CARD14: variants seen among roughly 807,000 people sequenced by gnomAD.
CARD14 encodes caspase recruitment domain family member 14.
CARD14 carries 107 observed loss-of-function variants against 111.5 expected under a neutral mutation model. That is an observed-to-expected ratio of 0.96 (90% CI 0.82 to 1.13). The LOEUF is 1.13. Among genes scored for constraint, CARD14 ranks in the 50% most tolerant of loss-of-function variants. The pLI is 0.00. For missense variants in CARD14, 1,322 were observed against 1,362.3 expected (o/e 0.97, Z 0.47); for synonymous variants, 617 against 579.6 (o/e 1.06, Z -0.93).
In CARD14 at chr17:80,195,393, A is replaced by C; in HGVS notation, c.1499+60A>C. 1 of 1,563,810 alleles carries C rather than the reference A, an allele frequency of 6.4e-7. No homozygotes were observed. The highest frequency in any genetic ancestry group is 8.7e-7 in the Non-Finnish European group (1 of 1,150,922). Reference sequence around the variant, plus strand: ...GCACTGGGGTCCTTCCTGGCAACTCACCAGAGACACCAACCTAGACCTCAG... The same window carrying C: ...GCACTGGGGTCCTTCCTGGCAACTCCCCAGAGACACCAACCTAGACCTCAG... On this transcript the variant is annotated intron_variant, in intron 13 of 23. Transcript: ENST00000648509. This position sits in a 1 kb window ranked among gnomAD's most constrained non-coding sequence, Gnocchi z 4.7.
At chr17:80,177,709 T>A (rs561169406) in intron 2 of CARD14, among the ~76,000 whole-genome samples, 1 of 152,180 alleles carries the variant, frequency 6.6e-6, no homozygotes, top group South Asian at 2.1e-4. Context: ...AAAAAAATTT[T>A]TTTTTAGCAG....
rs749125730 is a variant in CARD14, at chr17:80,209,195, G to A, written c.*850G>A. 83 of 593,484 alleles carry A rather than the reference G, an allele frequency of 1.4e-4. No homozygotes were observed. The highest frequency in any genetic ancestry group is 4.3e-4 in the East Asian group (3 of 7,052). 36.8% of individuals were successfully genotyped at this position (593,484 alleles called of 1,614,324 possible). ...GGCCTTGCCCCTGCCTCCTGGGGCT[G>A]TTGCAGACTGAATGTCATTTTGACA... On this transcript the variant is annotated 3_prime_UTR_variant, in exon 24 of 24. Coordinates refer to ENST00000648509, the MANE Select transcript of CARD14 (RefSeq NM_001366385.1).
At chr17:80,184,284 C>T in intron 7 of CARD14, 46 bp downstream of exon 7, 1 of 1,433,990 alleles carries the variant, frequency 7.0e-7, no homozygotes, top group Non-Finnish European at 9.2e-7. Context: ...TGTCGTCTGC[C>T]CCCAGGCCTT....
chr17:80,188,370 C>T lies in CARD14; in HGVS notation c.676-7C>T, dbSNP rs768424345. The T allele has an allele frequency of 2.6e-5, 41 of 1,606,284 alleles. No homozygotes were observed. The highest frequency in any genetic ancestry group is 8.9e-5 in the South Asian group (8 of 89,674). ...ATCGCCCTTCCTGTCGCCTCCCCACCGCACAGCTGTATCTACTGAAGCAGG... is the reference window on the plus strand; with the variant it reads ...ATCGCCCTTCCTGTCGCCTCCCCACTGCACAGCTGTATCTACTGAAGCAGG... On this transcript the variant is annotated splice_polypyrimidine_tract_variant and splice_region_variant and intron_variant, in intron 7 of 23. Coordinates refer to ENST00000648509, the MANE Select transcript of CARD14 (RefSeq NM_001366385.1). This position sits in a 1 kb window ranked among gnomAD's most constrained non-coding sequence, Gnocchi z 4.5.
chr17:80,205,680 G>T, intron 22 of CARD14, 28 bp downstream of exon 22: 1 of 1,525,980 alleles, frequency 6.6e-7, no homozygotes, highest in South Asian at 1.3e-5. Flanking sequence ...GTGGGCAGGG[G>T]AGCTGTCCTG....
Position 80,185,811 on chromosome 17 carries a change from C to T in CARD14, c.675+1573C>T, listed in dbSNP as rs140591038. On this transcript the variant is annotated intron_variant, in intron 7 of 23. Coordinates refer to ENST00000648509, the MANE Select transcript of CARD14 (RefSeq NM_001366385.1). ...CCTTCCCTTTGATGATAGACGACCT[C>T]TCATTTGGGGTTTGTCTTGTGTTTC... Among the ~76,000 whole-genome samples, 34 of 152,334 alleles carry T rather than the reference C, an allele frequency of 2.2e-4. 1 individual carries two copies. The East Asian group carries it at 6.2e-3, about 28-fold the overall frequency.
chr17:80,180,469 C>T (rs2040135030), intron 4 of CARD14, among the ~76,000 whole-genome samples: 1 of 152,228 alleles, frequency 6.6e-6, no homozygotes, highest in South Asian at 2.1e-4. Flanking sequence ...CAGTGTCACT[C>T]CCCAGCACAT....
In CARD14 at chr17:80,204,125, A is replaced by G. The variant is rs536886503; in HGVS notation, c.2284-102A>G. The G allele has an allele frequency of 2.7e-5, 31 of 1,161,832 alleles. No homozygotes were observed. The African/African-American group carries it at 4.5e-4, about 17-fold the overall frequency. 72.0% of individuals were successfully genotyped at this position (1,161,832 alleles called of 1,614,324 possible). On this transcript the variant is annotated intron_variant, in intron 19 of 23. Transcript: ENST00000648509. ...GTTCTCAGAGCATCTGCGCCTCTGC[A>G]TCACTCCCAGGTCGCCCTAGTGCCA...
At chr17:80,194,025 A>G (rs1046178013) in intron 12 of CARD14, among the ~76,000 whole-genome samples, 6 of 152,088 alleles carry the variant, frequency 3.9e-5, no homozygotes, top group African/African-American at 1.4e-4. Flanking sequence ...GCTGCCCTCC[A>G]GCCACTCTCC....
Position 80,198,423 on chromosome 17 carries a change from A to T in CARD14, c.1683A>T (p.Pro561=). 6.2e-7 allele frequency: 1 copy of T among 1,606,884 alleles called. No individual in the cohort carries two copies. Among genetic ancestry groups the T allele is most frequent in the Non-Finnish European group, 8.5e-7 (1 of 1,175,340 alleles). Residue 561 remains proline, a synonymous_variant, in exon 16 of 24, where the codon CCA becomes CCT. Coordinates refer to ENST00000648509, the MANE Select transcript of CARD14 (RefSeq NM_001366385.1). This position sits in a 1 kb window ranked among gnomAD's most constrained non-coding sequence, Gnocchi z 7.5. The part of the protein sequence containing the change: ...SESGVLMRRR[P]ARRILSQVTM... ...GCGGCGTCCTCATGCGGCGGAGGCC[A>T]GCCCGCAGGATCCTGAGCCAGGTCA...
intron 23 of CARD14, among the ~76,000 whole-genome samples, 154 bp downstream of exon 23, chr17:80,207,239 G>A (rs1466708897): frequency 2.0e-5 from 3 of 152,130 alleles, no homozygotes; most frequent in Admixed American, 1.3e-4. Flanking sequence ...CAAGGGCCCC[G>A]CTGATTGCTC....
Position 80,191,377 on chromosome 17 carries a change from A to G in CARD14, c.1144A>G (p.Lys382Glu), listed in dbSNP as rs1164133596. Residue 382 changes from lysine to glutamate, a missense_variant, in exon 11 of 24, where the codon AAG (lysine) becomes GAG (glutamate). By Grantham distance (56) the Lys-to-Glu change is moderately conservative. Coordinates refer to ENST00000648509, the MANE Select transcript of CARD14 (RefSeq NM_001366385.1). ...QREISQSLVE[K>E]DSLRRQVFEL... ...GGAGATTTCCCAGAGCCTGGTGGAGAAGGACTCCCTCCGCAGGCAGGTGTT... is the reference window on the plus strand; with the variant it reads ...GGAGATTTCCCAGAGCCTGGTGGAGGAGGACTCCCTCCGCAGGCAGGTGTT... 2 of 1,613,830 alleles carry G rather than the reference A, an allele frequency of 1.2e-6. No homozygotes were observed. Among genetic ancestry groups the G allele is most frequent in the Admixed American group, 3.3e-5 (2 of 60,024 alleles).
chr17:80,182,388 A>G lies in CARD14; in HGVS notation c.212-265A>G, dbSNP rs904068357. ...GTCCCGGTCCCCCCGCACTCGCCAG[A>G]GCACTGGGGTTGCAGTAGTTGCTCG... On this transcript the variant is annotated intron_variant, in intron 5 of 23. Transcript: ENST00000648509. The surrounding 1 kb of genome is among the most constrained non-coding windows in gnomAD (Gnocchi z 4.7). Among the ~76,000 whole-genome samples the G allele has an allele frequency of 2.6e-5, 4 of 152,210 alleles. No individual in the cohort carries two copies. The highest frequency in any genetic ancestry group is 4.8e-5 in the African/African-American group (2 of 41,448).
At chr17:80,183,274 C>T (rs781207193) in intron 6 of CARD14, among the ~76,000 whole-genome samples, 1 of 152,180 alleles carries the variant, frequency 6.6e-6, no homozygotes, top group Non-Finnish European at 1.5e-5. Flanking sequence ...TTCTAGGCTT[C>T]CCTGGAGGAG....
At chr17:80,191,532 C>A in intron 11 of CARD14, 60 bp downstream of exon 11, 1 of 1,579,658 alleles carries the variant, frequency 6.3e-7, no homozygotes, top group Non-Finnish European at 8.6e-7. Context: ...GACAGTGGGA[C>A]AGAGCTGGGC....
Position 80,189,106 on chromosome 17 carries a change from T to A in CARD14, c.843+562T>A. On this transcript the variant is annotated intron_variant, in intron 8 of 23. Coordinates refer to ENST00000648509, the MANE Select transcript of CARD14 (RefSeq NM_001366385.1). The surrounding 1 kb of genome is among the most constrained non-coding windows in gnomAD (Gnocchi z 4.7). ...CATCACAATGCCCGACTTGGTGGGT[T>A]TACTGCAGCGACTGTGTTCTGGAGT... Among the ~76,000 whole-genome samples, 1 of 152,138 alleles carries A rather than the reference T, an allele frequency of 6.6e-6. No homozygotes were observed. Among genetic ancestry groups the A allele is most frequent in the Non-Finnish European group, 1.5e-5 (1 of 68,032 alleles).
chr17:80,176,680 T>C (rs2144104802), intron 2 of CARD14, among the ~76,000 whole-genome samples: 1 of 152,286 alleles, frequency 6.6e-6, no homozygotes, highest in East Asian at 1.9e-4. Context: ...GGCCCTGGGC[T>C]GACTTTATTG....
intron 18 of CARD14, 24 bp downstream of exon 18, chr17:80,202,444 T>G: frequency 1.2e-6 from 2 of 1,603,908 alleles, no homozygotes; most frequent in Non-Finnish European, 1.7e-6. Flanking sequence ...TCGAGCTCGG[T>G]GCGTCCCCAG....
intron 11 of CARD14, 175 bp from the exon 12 acceptor site, chr17:80,192,328 C>G: frequency 1.7e-6 from 1 of 588,678 alleles, no homozygotes. Context: ...ATTGGCAGCG[C>G]CTGTGATCCT....
Sources: gnomAD v4.1 joint callset for allele counts (sites outside exome capture counted in the v4.1 genomes callset) on GRCh38, gnomAD v4.1.1 for gene constraint, Gnocchi (gnomAD v3.1) non-coding constraint, MANE v1.5 for transcripts, NCBI Gene and HGNC (gene_info 2026-07-23, HGNC 2026-07-21) for gene names.